Variants in PALD1 observed in about 807,000 individuals in gnomAD.
PALD1 encodes paladin.
A neutral mutation model predicts 96.0 loss-of-function variants in PALD1; 57 were observed. The ratio of observed to expected loss-of-function variants is 0.59; its 90% confidence interval spans 0.48 to 0.74. The LOEUF (loss-of-function observed/expected upper bound fraction) is 0.74. Among genes scored for constraint, PALD1 ranks in the 30% least tolerant of loss-of-function variants. PALD1 has a pLI of 0.00. For missense variants in PALD1, 1,063 were observed against 1,143.7 expected, an observed-to-expected ratio of 0.93 and a Z score of 1.02; for synonymous variants, 464 against 473.6, an observed-to-expected ratio of 0.98 and a Z score of 0.26.
At chr10:70,553,997 T>C (rs2132428163) in intron 18 of PALD1, among the ~76,000 whole-genome samples, 1 of 152,352 alleles carries the variant, frequency 6.6e-6, no homozygotes, top group Non-Finnish European at 1.5e-5. Flanking sequence ...CCCTTCTCTC[T>C]ATGCCTGTCT....
At chr10:70,514,427 G>C (rs1846581056) in intron 1 of PALD1, among the ~76,000 whole-genome samples, 1 of 151,846 alleles carries the variant, frequency 6.6e-6, no homozygotes, top group African/African-American at 2.4e-5. Flanking sequence ...TAATTTAGCA[G>C]GTGAAGGGTT....
chr10:70,481,894 G>C (rs1002623715), intron 1 of PALD1, among the ~76,000 whole-genome samples: 1 of 152,262 alleles, frequency 6.6e-6, no homozygotes, highest in African/African-American at 2.4e-5. Flanking sequence ...AATGCACCAT[G>C]CAACCTCCAG....
At chr10:70,534,273 A>C (rs2132378667) in intron 8 of PALD1, 152 bp from the exon 9 acceptor site, 1 of 747,720 alleles carries the variant, frequency 1.3e-6, no homozygotes, top group East Asian at 2.7e-5. Context: ...CAGTTTCCCT[A>C]GTTGGGGAAA....
chr10:70,534,991 G>T, intron 10 of PALD1, 148 bp downstream of exon 10: 4 of 646,402 alleles, frequency 6.2e-6, no homozygotes, highest in African/African-American at 1.8e-5. Flanking sequence ...AGGAAGGGGA[G>T]ATAGGGGCTC....
At chr10:70,484,316 A>G (rs1845981200) in intron 1 of PALD1, among the ~76,000 whole-genome samples, 1 of 152,012 alleles carries the variant, frequency 6.6e-6, no homozygotes, top group South Asian at 2.1e-4. Flanking sequence ...ATATTTTTCT[A>G]AAAAAAGACT....
chr10:70,558,415 T>G (rs911665974), intron 18 of PALD1, among the ~76,000 whole-genome samples: 4 of 152,214 alleles, frequency 2.6e-5, no homozygotes, highest in African/African-American at 9.7e-5. Context: ...AAGGTGCACA[T>G]GTTTGTCATT....
intron 18 of PALD1, among the ~76,000 whole-genome samples, chr10:70,564,006 C>T (rs568302736): frequency 3.3e-5 from 5 of 152,264 alleles, no homozygotes; most frequent in South Asian, 2.1e-4. Context: ...CCCTGGGCAT[C>T]GGTCCTGCCG....
intron 17 of PALD1, 121 bp from the exon 18 acceptor site, chr10:70,547,183 GCT>G (rs1332216073): frequency 8.6e-6 from 7 of 814,834 alleles, no homozygotes; most frequent in African/African-American, 8.4e-5. Flanking sequence ...AGCAGGCAGG[GCT>G]CTCTGTTCAG....
At chr10:70,523,233 T>G (rs998522303) in intron 1 of PALD1, among the ~76,000 whole-genome samples, 3 of 152,134 alleles carry the variant, frequency 2.0e-5, no homozygotes, top group African/African-American at 7.2e-5. Context: ...GAACTGGAGC[T>G]GGGGGCAGGC....
intron 1 of PALD1, among the ~76,000 whole-genome samples, chr10:70,495,249 C>CTCA (rs967155729): frequency 1.4e-4 from 21 of 152,352 alleles, no homozygotes; most frequent in African/African-American, 5.1e-4. Flanking sequence ...CCCTATCTTT[C>CTCA]TCATCTAGCT....
chr10:70,539,002 C>T lies in PALD1; in HGVS notation c.1563C>T (p.Ser521=), dbSNP rs61741064. Residue 521 remains serine, a synonymous_variant, in exon 13 of 20, where the codon AGC becomes AGT. Coordinates refer to ENST00000263563, the MANE Select transcript of PALD1 (RefSeq NM_014431.3). This position sits in a 1 kb window ranked among gnomAD's most constrained non-coding sequence, Gnocchi z 4.5. ...RMPIYGTAQP[S]AKALGSILAY... ...CCATCTACGGCACGGCCCAGCCCAGCGCCAAGGTGACCGGCCCTCAGGGCC... is the reference window on the plus strand; with the variant it reads ...CCATCTACGGCACGGCCCAGCCCAGTGCCAAGGTGACCGGCCCTCAGGGCC... 3,511 of 1,613,742 alleles carry T rather than the reference C, an allele frequency of 2.2e-3. 3 individuals are homozygous for T. The highest frequency in any genetic ancestry group is 2.7e-3 in the Non-Finnish European group (3,167 of 1,179,874).
intron 18 of PALD1, among the ~76,000 whole-genome samples, chr10:70,552,487 C>G (rs2132425260): frequency 6.6e-6 from 1 of 152,266 alleles, no homozygotes; most frequent in African/African-American, 2.4e-5. Context: ...TGGAATGTTT[C>G]AAACAGAAAA....
chr10:70,475,787 T>C (rs564430341), upstream of PALD1, among the ~76,000 whole-genome samples: 1 of 152,078 alleles, frequency 6.6e-6, no homozygotes, highest in South Asian at 2.1e-4. Flanking sequence ...ACCAGCACCT[T>C]GCTTGGGCTG....
chr10:70,467,499 A>C, the PALD1 span, among the ~76,000 whole-genome samples: 2 of 152,116 alleles, frequency 1.3e-5, no homozygotes, highest in African/African-American at 2.4e-5. Flanking sequence ...TGTGTGGAGA[A>C]GGGTGAAGGA....
At chr10:70,461,512 C>T in the PALD1 span, among the ~76,000 whole-genome samples, 2 of 152,234 alleles carry the variant, frequency 1.3e-5, no homozygotes, top group African/African-American at 2.4e-5. Flanking sequence ...CCAGGAAACA[C>T]GTGTGAAGGA....
intron 18 of PALD1, among the ~76,000 whole-genome samples, chr10:70,547,855 G>A (rs1220367752): frequency 6.6e-6 from 1 of 152,112 alleles, no homozygotes; most frequent in Non-Finnish European, 1.5e-5. Context: ...GGTGGGTGGA[G>A]ACCCTCAGGG....
intron 1 of PALD1, among the ~76,000 whole-genome samples, chr10:70,519,575 T>TTC (rs954585732): frequency 2.1e-5 from 3 of 144,776 alleles, no homozygotes; most frequent in African/African-American, 7.5e-5. Flanking sequence ...CTTTCTTTCT[T>TTC]TTTTTTTTTT....
In PALD1 at chr10:70,539,792, G is replaced by C; in HGVS notation, c.1908+30G>C. 6.3e-7 allele frequency: 1 copy of C among 1,579,320 alleles called. No homozygotes were observed. Among genetic ancestry groups the C allele is most frequent in the South Asian group, 1.1e-5 (1 of 89,008 alleles). On this transcript the variant is annotated intron_variant, in intron 15 of 19. Transcript: ENST00000263563. The surrounding 1 kb of genome is among the most constrained non-coding windows in gnomAD (Gnocchi z 4.5). ...GGGTGCTGCTCAGGCTGAGGCCTCT[G>C]GGGAGGGACAGGAGGCCTCCCTGTC...
rs111357954 is a variant in PALD1, at chr10:70,496,154, T to C, written c.-30+17095T>C. On this transcript the variant is annotated intron_variant, in intron 1 of 19. Transcript: ENST00000263563. ...TCTGGTCTTTCGGACTCCCAGCCCA[T>C]GTTCTTACCCATAACCCAACCCTTG... is the stretch of plus-strand genomic sequence containing the variant. Among the ~76,000 whole-genome samples the C allele has an allele frequency of 5.8e-3, 881 of 152,250 alleles. 9 individuals are homozygous for C. Among genetic ancestry groups the C allele is most frequent in the African/African-American group, 0.02 (839 of 41,538 alleles).
Sources: gnomAD v4.1 joint callset for allele counts (sites outside exome capture counted in the v4.1 genomes callset) on GRCh38, gnomAD v4.1.1 for gene constraint, Gnocchi (gnomAD v3.1) non-coding constraint, MANE v1.5 for transcripts, NCBI Gene and HGNC (gene_info 2026-07-23, HGNC 2026-07-21) for gene names.